Variants in PAFAH1B1 observed in about 807,000 individuals in gnomAD.
The protein encoded by PAFAH1B1 is platelet-activating factor acetylhydrolase IB subunit beta.
In PAFAH1B1, 2 loss-of-function variants were observed where a neutral mutation model predicts 57.5. The observed-to-expected ratio is 0.03, with a 90% confidence interval of 0.01 to 0.11. The LOEUF (loss-of-function observed/expected upper bound fraction) is 0.11, where lower values mean the gene tolerates loss of function less well. Ranked by LOEUF, PAFAH1B1 falls within the 10% of genes least tolerant of loss-of-function variation. The pLI is 1.00. For missense variants in PAFAH1B1, 257 were observed against 512.0 expected (o/e 0.50, Z 4.81); for synonymous variants, 152 against 169.6 (o/e 0.90, Z 0.81).
intron 1 of PAFAH1B1, among the ~76,000 whole-genome samples, chr17:2,627,456 A>AT (rs1050647741): frequency 2.0e-5 from 3 of 151,994 alleles, no homozygotes; most frequent in East Asian, 1.9e-4. Flanking sequence ...CTATGTGCCT[A>AT]TTTTTTACCA....
chr17:2,602,264 A>G (rs78942395), intron 1 of PAFAH1B1, among the ~76,000 whole-genome samples: 1,803 of 152,180 alleles, frequency 0.012, 35 homozygotes, highest in African/African-American at 0.041. Context: ...AAAAAAAACA[A>G]AACAGCGAGG....
chr17:2,637,956 T>C (rs2068644659), intron 1 of PAFAH1B1, 143 bp from the exon 2 acceptor site: 1 of 419,436 alleles, frequency 2.4e-6, no homozygotes, highest in African/African-American at 2.0e-5. Context: ...ATTAGTTGAC[T>C]TTCACTATAA....
intron 1 of PAFAH1B1, among the ~76,000 whole-genome samples, chr17:2,628,421 CTACTTGA>C (rs2068518477): frequency 6.6e-6 from 1 of 152,038 alleles, no homozygotes; most frequent in South Asian, 2.1e-4. Context: ...AATATGAAAC[CTACTTGA>C]TCATGGTGGA....
chr17:2,603,918 A>C (rs886359994), intron 1 of PAFAH1B1, among the ~76,000 whole-genome samples: 2 of 151,692 alleles, frequency 1.3e-5, no homozygotes, highest in African/African-American at 4.8e-5. Flanking sequence ...TTGTATTTTT[A>C]GTAGAGATGG....
At chr17:2,624,031 C>G (rs138916806) in intron 1 of PAFAH1B1, among the ~76,000 whole-genome samples, 134 of 152,218 alleles carry the variant, frequency 8.8e-4, no homozygotes, top group African/African-American at 3.1e-3. Flanking sequence ...TGCCAGATAC[C>G]CTAAATCATC....
chr17:2,640,013 TG>T (rs962044242), intron 2 of PAFAH1B1: 2 of 152,242 alleles, frequency 1.3e-5, no homozygotes, highest in African/African-American at 4.8e-5. Context: ...ATACACCCAT[TG>T]TTAACATTTT....
intron 1 of PAFAH1B1, among the ~76,000 whole-genome samples, chr17:2,632,018 A>G (rs1049555056): frequency 1.3e-5 from 2 of 152,214 alleles, no homozygotes; most frequent in African/African-American, 4.8e-5. Flanking sequence ...TGTTTCATGT[A>G]TCTCTCTTAT....
chr17:2,674,351 T>C, intron 8 of PAFAH1B1, 63 bp downstream of exon 8: 1 of 1,261,564 alleles, frequency 7.9e-7, no homozygotes, highest in East Asian at 2.3e-5. Context: ...TAGATAACTT[T>C]GCTAATTCCC....
chr17:2,651,850 A>G (rs548626317), intron 2 of PAFAH1B1, among the ~76,000 whole-genome samples: 2 of 152,220 alleles, frequency 1.3e-5, no homozygotes, highest in South Asian at 2.1e-4. Flanking sequence ...TTGACACATT[A>G]TTACTGAAGT....
intron 5 of PAFAH1B1, among the ~76,000 whole-genome samples, chr17:2,668,065 C>A (rs2069132144): frequency 6.6e-6 from 1 of 151,996 alleles, no homozygotes; most frequent in Non-Finnish European, 1.5e-5. Flanking sequence ...TGGCTCACGC[C>A]TGTAATCCCA....
chr17:2,668,844 CG>C (rs2069142916), intron 5 of PAFAH1B1, among the ~76,000 whole-genome samples: 1 of 151,608 alleles, frequency 6.6e-6, no homozygotes, highest in Admixed American at 6.6e-5. Flanking sequence ...GGAGTGATGG[CG>C]GGCTCCTGTA....
At chr17:2,669,933 A>G (rs1268894390) in intron 5 of PAFAH1B1, among the ~76,000 whole-genome samples, 1 of 152,172 alleles carries the variant, frequency 6.6e-6, no homozygotes, top group East Asian at 1.9e-4. Flanking sequence ...TGTGATAGAA[A>G]CCTTATAAAT....
intron 10 of PAFAH1B1, chr17:2,680,723 A>G: frequency 3.5e-6 from 1 of 284,852 alleles, no homozygotes; most frequent in Non-Finnish European, 6.9e-6. Flanking sequence ...TTGAGTAAAC[A>G]TCCTCACTAT....
In PAFAH1B1 at chr17:2,638,443, T is replaced by A. The variant is rs2068651650; in HGVS notation, c.32+123T>A. The A allele has an allele frequency of 7.7e-5, 60 of 775,104 alleles. 1 individual carries two copies. The South Asian group carries it at 9.0e-4, about 12-fold the overall frequency. 48.0% of individuals were successfully genotyped at this position (775,104 alleles called of 1,614,324 possible). A position where few individuals can be genotyped will look rare whatever the true frequency, so the allele number is the denominator to read the frequency against. ...AACTATTTTTACCAGTGTTCCAATATTAGTTTAGGCAGTTTGGTCTGATTT... is the reference window on the plus strand; with the variant it reads ...AACTATTTTTACCAGTGTTCCAATAATAGTTTAGGCAGTTTGGTCTGATTT... On this transcript the variant is annotated intron_variant, in intron 2 of 10. Coordinates refer to ENST00000397195, the MANE Select transcript of PAFAH1B1 (RefSeq NM_000430.4).
chr17:2,673,131 G>A (rs1317522757), intron 7 of PAFAH1B1, among the ~76,000 whole-genome samples: 1 of 152,088 alleles, frequency 6.6e-6, no homozygotes, highest in Non-Finnish European at 1.5e-5. Context: ...GTGTTCTGGT[G>A]TTGCAGTCAC....
rs375418643 is a variant in PAFAH1B1, at chr17:2,670,148, C to A, written c.400-15C>A. 19 of 1,613,444 alleles carry A rather than the reference C, an allele frequency of 1.2e-5. No individual in the cohort carries two copies. In the African/African-American group the frequency reaches 2.5e-4, roughly 22 times the overall value. ...GATGGAGTTGGTGTTAACCAATTTT[C>A]TGTTCACTTGACAGGTGTGGGATTA... On this transcript the variant is annotated splice_polypyrimidine_tract_variant and intron_variant, in intron 5 of 10. Coordinates refer to ENST00000397195, the MANE Select transcript of PAFAH1B1 (RefSeq NM_000430.4).
chr17:2,607,827 C>T (rs1185724776), intron 1 of PAFAH1B1, among the ~76,000 whole-genome samples: 2 of 152,130 alleles, frequency 1.3e-5, no homozygotes, highest in African/African-American at 4.8e-5. Flanking sequence ...GTCCACCTTC[C>T]TCTTCTCAGT....
rs2069230542 is a variant in PAFAH1B1, at chr17:2,674,301, C to T, written c.900+13C>T. ...AACAGGATCTGAGGTACTGTATATA[C>T]AAATGTCTTCATGGTTTTATTGCTG... On this transcript the variant is annotated intron_variant, in intron 8 of 10. Transcript: ENST00000397195. 6.4e-7 allele frequency: 1 copy of T among 1,566,948 alleles called. No individual in the cohort carries two copies. The highest frequency in any genetic ancestry group is 8.8e-7 in the Non-Finnish European group (1 of 1,137,146).
intron 1 of PAFAH1B1, among the ~76,000 whole-genome samples, chr17:2,630,941 T>A (rs2068548118): frequency 6.6e-6 from 1 of 152,176 alleles, no homozygotes; most frequent in African/African-American, 2.4e-5. Context: ...TATCATTCAG[T>A]CATTAAAAAT....
Sources: allele counts gnomAD v4.1 joint callset (sites outside exome capture counted in the v4.1 genomes callset), GRCh38; gene constraint gnomAD v4.1.1; transcripts MANE v1.5; gene names NCBI Gene and HGNC (gene_info 2026-07-23, HGNC 2026-07-21).